The following ATP9B variants were observed in gnomAD, a reference collection of about 807,000 sequenced individuals.
The protein encoded by ATP9B is probable phospholipid-transporting ATPase IIB.
A neutral mutation model predicts 146.1 loss-of-function variants in ATP9B; 110 were observed. That is an observed-to-expected ratio of 0.75 (90% CI 0.65 to 0.88). The LOEUF is 0.88. Ranked by LOEUF, ATP9B falls within the 40% of genes least tolerant of loss-of-function variation. The pLI, the probability that ATP9B is intolerant of heterozygous loss-of-function variation, is 0.00. For missense variants in ATP9B, 1,499 were observed against 1,496.4 expected, an observed-to-expected ratio of 1.00 and a Z score of -0.03; for synonymous variants, 604 against 569.7, an observed-to-expected ratio of 1.06 and a Z score of -0.86.
chr18:79,126,155 A>G (rs936541332), intron 4 of ATP9B, 112 bp from the exon 5 acceptor site: 3 of 788,694 alleles, frequency 3.8e-6, no homozygotes, highest in Admixed American at 5.9e-5. Flanking sequence ...CATTTATTTT[A>G]TGTTTTAGAG....
At chr18:79,102,266 T>C (rs545943183) in intron 2 of ATP9B, among the ~76,000 whole-genome samples, 4 of 152,252 alleles carry the variant, frequency 2.6e-5, no homozygotes, top group African/African-American at 9.6e-5. Context: ...CTTTTGTGAA[T>C]TGTGCTTTTG....
chr18:79,171,629 A>C (rs947214660), intron 7 of ATP9B, among the ~76,000 whole-genome samples: 4 of 151,934 alleles, frequency 2.6e-5, no homozygotes, highest in African/African-American at 9.7e-5. Context: ...ACACTGGTAC[A>C]GTGTGTGCGC....
chr18:79,092,640 C>CTT (rs145337759), intron 1 of ATP9B, among the ~76,000 whole-genome samples: 7,007 of 118,082 alleles, frequency 0.059, 775 homozygotes, highest in African/African-American at 0.21. Context: ...TTTACTTAAA[C>CTT]TTTTTTTTTT....
chr18:79,158,229 T>C (rs981686081), intron 7 of ATP9B, among the ~76,000 whole-genome samples: 5 of 151,038 alleles, frequency 3.3e-5, no homozygotes, highest in Admixed American at 2.0e-4. Context: ...CCTTGTGATA[T>C]CTTCTTTGAT....
In ATP9B at chr18:79,207,157, G is replaced by A. The variant is rs146565478; in HGVS notation, c.1030+145G>A. 917 of 735,916 alleles carry A rather than the reference G, an allele frequency of 1.2e-3. 6 individuals carry two copies. In the African/African-American group the frequency reaches 0.014, roughly 11 times the overall value. The allele number at this position is 735,916 out of a possible 1,614,324, so 45.6% of individuals were successfully genotyped here. ...ACGCAGACTCCAGCTCAGTGGGTCT[G>A]AGACAGTCCTGGGAGCTTGTGGTGA... On this transcript the variant is annotated intron_variant, in intron 10 of 29. Transcript: ENST00000426216.
chr18:79,301,825 A>G (rs1331324516), intron 13 of ATP9B, among the ~76,000 whole-genome samples: 1 of 152,202 alleles, frequency 6.6e-6, no homozygotes, highest in Non-Finnish European at 1.5e-5. Context: ...GAATTTTTAA[A>G]ACTTTATTAT....
At chr18:79,171,362 G>A (rs1424759078) in intron 7 of ATP9B, among the ~76,000 whole-genome samples, 1 of 151,972 alleles carries the variant, frequency 6.6e-6, no homozygotes, top group African/African-American at 2.4e-5. Context: ...TAGTATAGTT[G>A]AGTTATATAG....
intron 13 of ATP9B, among the ~76,000 whole-genome samples, chr18:79,279,444 A>G (rs1349246134): frequency 6.6e-6 from 1 of 152,246 alleles, no homozygotes; most frequent in Non-Finnish European, 1.5e-5. Flanking sequence ...GCATGAAATC[A>G]AAGTAGCAAA....
At chr18:79,161,364 C>G (rs998022505) in intron 7 of ATP9B, among the ~76,000 whole-genome samples, 1 of 152,108 alleles carries the variant, frequency 6.6e-6, no homozygotes, top group Non-Finnish European at 1.5e-5. Flanking sequence ...CACCTCTTTC[C>G]TCAGAAAAAT....
chr18:79,270,653 T>A (rs1410314382), intron 12 of ATP9B, among the ~76,000 whole-genome samples: 1 of 152,194 alleles, frequency 6.6e-6, no homozygotes, highest in Non-Finnish European at 1.5e-5. Flanking sequence ...CAACCAGCAA[T>A]GATGGCTCTC....
intron 15 of ATP9B, among the ~76,000 whole-genome samples, chr18:79,308,293 A>G (rs1758850420): frequency 6.6e-6 from 1 of 152,174 alleles, no homozygotes; most frequent in African/African-American, 2.4e-5. Context: ...AAAAAATTGA[A>G]CATGGAATTA....
chr18:79,118,418 T>TTTTTC (rs2094130947), intron 4 of ATP9B, among the ~76,000 whole-genome samples: 1 of 136,794 alleles, frequency 7.3e-6, no homozygotes, highest in Non-Finnish European at 1.6e-5. Flanking sequence ...TTTTTTTTTT[T>TTTTTC]GAGACAGAGT....
chr18:79,119,790 CT>C (rs1294889041), intron 4 of ATP9B, among the ~76,000 whole-genome samples: 1 of 152,176 alleles, frequency 6.6e-6, no homozygotes, highest in Non-Finnish European at 1.5e-5. Context: ...GAATAGTATG[CT>C]TTCTCTGTTT....
chr18:79,303,769 G>A, intron 14 of ATP9B, 53 bp downstream of exon 14: 2 of 1,304,638 alleles, frequency 1.5e-6, no homozygotes, highest in Non-Finnish European at 2.2e-6. Flanking sequence ...CCCGCGCCAT[G>A]AGTCCAGCTG....
At chr18:79,107,527 G>A (rs1348617274) in intron 2 of ATP9B, among the ~76,000 whole-genome samples, 1 of 152,098 alleles carries the variant, frequency 6.6e-6, no homozygotes, top group Non-Finnish European at 1.5e-5. Flanking sequence ...TCCTCCGTGG[G>A]CGGCATTGTG....
chr18:79,106,658 A>G (rs151196474), intron 2 of ATP9B, among the ~76,000 whole-genome samples: 180 of 152,362 alleles, frequency 1.2e-3, no homozygotes, highest in African/African-American at 4.2e-3. Flanking sequence ...CAGTGATACA[A>G]ATAACATAAT....
At chr18:79,245,807 T>TACTGACTGAGGAGGGC (rs2095947433) in intron 11 of ATP9B, among the ~76,000 whole-genome samples, 2 of 96,206 alleles carry the variant, frequency 2.1e-5, no homozygotes, top group African/African-American at 4.4e-5. Flanking sequence ...CTGAGGAGGG[T>TACTGACTGAGGAGGGC]ACCACCCTAC....
intron 25 of ATP9B, among the ~76,000 whole-genome samples, chr18:79,351,224 A>G (rs985012393): frequency 6.6e-6 from 1 of 152,260 alleles, no homozygotes; most frequent in Non-Finnish European, 1.5e-5. Flanking sequence ...ATGAAAAGGA[A>G]AATGTGGGGG....
At chr18:79,193,138 A>G in intron 8 of ATP9B, 45 bp from the exon 9 acceptor site, 3 of 1,370,724 alleles carry the variant, frequency 2.2e-6, no homozygotes, top group Non-Finnish European at 3.1e-6. Flanking sequence ...AAGTAATTTT[A>G]CTAAACTATA....
Sources: allele counts gnomAD v4.1 joint callset (sites outside exome capture counted in the v4.1 genomes callset), GRCh38; gene constraint gnomAD v4.1.1; transcripts MANE v1.5; gene names NCBI Gene and HGNC (gene_info 2026-07-23, HGNC 2026-07-21).